The following GABRG3 variants were observed in gnomAD, a reference collection of about 807,000 sequenced individuals.
The protein encoded by GABRG3 is gamma-aminobutyric acid receptor subunit gamma-3.
A neutral mutation model predicts 48.8 loss-of-function variants in GABRG3; 25 were observed. The ratio of observed to expected loss-of-function variants is 0.51; its 90% confidence interval spans 0.37 to 0.72. The LOEUF is 0.72. GABRG3 is among the 30% of genes least tolerant of loss of function. The pLI is 0.00. For synonymous variants in GABRG3, 227 were observed against 217.6 expected (o/e 1.04, Z -0.38); for missense variants, 394 against 577.9 (o/e 0.68, Z 3.26).
intron 3 of GABRG3, among the ~76,000 whole-genome samples, chr15:27,110,017 A>C (rs1283891003): frequency 6.6e-6 from 1 of 152,200 alleles, no homozygotes; most frequent in Non-Finnish European, 1.5e-5. Context: ...TAGGCTGTTC[A>C]TGTTTAAAAT....
At chr15:27,473,923 T>A (rs1889859347) in intron 5 of GABRG3, among the ~76,000 whole-genome samples, 1 of 152,220 alleles carries the variant, frequency 6.6e-6, no homozygotes, top group South Asian at 2.1e-4. Context: ...CTTGTCTGTC[T>A]TAAAGTTTTC....
intron 3 of GABRG3, among the ~76,000 whole-genome samples, chr15:27,296,410 C>T (rs1486117356): frequency 6.6e-6 from 1 of 152,014 alleles, no homozygotes; most frequent in Non-Finnish European, 1.5e-5. Flanking sequence ...GGATTATTGA[C>T]ACTGGGTGCT....
rs368391009 is a variant in GABRG3, at chr15:27,306,912, C to CAT, written c.271-19895_271-19894dup. ...CAATATAAACATGTTTATATATAAA[C>CAT]ATACAATATAAACATGTTTATATAT... On this transcript the variant is annotated intron_variant, in intron 3 of 9. Transcript: ENST00000615808. Among the ~76,000 whole-genome samples the CAT allele has an allele frequency of 3.9e-4, 8 of 20,690 alleles. 2 individuals carry two copies. The highest frequency in any genetic ancestry group is 5.3e-3 in the South Asian group (1 of 190). 13.6% of individuals were successfully genotyped at this position (20,690 alleles called of 152,430 possible). A position where few individuals can be genotyped will look rare whatever the true frequency, so the allele number is the denominator to read the frequency against.
chr15:27,432,861 C>A (rs1888497390), intron 5 of GABRG3, among the ~76,000 whole-genome samples: 1 of 152,196 alleles, frequency 6.6e-6, no homozygotes, highest in South Asian at 2.1e-4. Context: ...ATATACAACT[C>A]ATTGTTTACA....
At chr15:27,397,596 C>T (rs762299622) in intron 5 of GABRG3, among the ~76,000 whole-genome samples, 4 of 152,126 alleles carry the variant, frequency 2.6e-5, no homozygotes, top group Admixed American at 6.5e-5. Flanking sequence ...ATTCACATTG[C>T]TCTGAAATTT....
chr15:27,521,082 G>T (rs1891149541), intron 7 of GABRG3, among the ~76,000 whole-genome samples: 1 of 151,992 alleles, frequency 6.6e-6, no homozygotes, highest in Admixed American at 6.6e-5. Context: ...ACATATATTA[G>T]ATGTCACTGT....
At chr15:27,290,347 C>T (rs1388238358) in intron 3 of GABRG3, among the ~76,000 whole-genome samples, 1 of 151,736 alleles carries the variant, frequency 6.6e-6, no homozygotes, top group Non-Finnish European at 1.5e-5. Context: ...ACTGCCCCAT[C>T]CACACACACA....
In GABRG3 at chr15:27,316,137, C is replaced by T. The variant is rs565298407; in HGVS notation, c.271-10672C>T. 2.0e-5 allele frequency among the ~76,000 whole-genome samples: 3 copies of T among 152,244 alleles called. No individual in the cohort carries two copies. In the South Asian group the frequency reaches 6.2e-4, roughly 32 times the overall value. On this transcript the variant is annotated intron_variant, in intron 3 of 9. Transcript: ENST00000615808. ...CGGTGGCTCACGCCTGTAATCCCAGCACTTTGGGAGGCCGAGGTGGGCGGA... is the reference window on the plus strand; with the variant it reads ...CGGTGGCTCACGCCTGTAATCCCAGTACTTTGGGAGGCCGAGGTGGGCGGA...
intron 2 of GABRG3, among the ~76,000 whole-genome samples, chr15:26,994,298 T>C (rs1895300629): frequency 6.6e-6 from 1 of 152,050 alleles, no homozygotes; most frequent in Admixed American, 6.5e-5. Flanking sequence ...GTATTTCTTT[T>C]AGTGAGTGTG....
intron 6 of GABRG3, among the ~76,000 whole-genome samples, chr15:27,506,850 C>G (rs540251248): frequency 6.6e-6 from 1 of 150,820 alleles, no homozygotes; most frequent in Admixed American, 6.6e-5. Flanking sequence ...TTTCATTTCT[C>G]TGGTTTTTTT....
chr15:27,176,076 C>T (rs1157178762), intron 3 of GABRG3, among the ~76,000 whole-genome samples: 1 of 151,694 alleles, frequency 6.6e-6, no homozygotes, highest in African/African-American at 2.4e-5. Context: ...AAAATGCATT[C>T]TATAGCTCAC....
At chr15:27,085,721 G>A (rs1460632217) in intron 3 of GABRG3, among the ~76,000 whole-genome samples, 1 of 152,118 alleles carries the variant, frequency 6.6e-6, no homozygotes, top group African/African-American at 2.4e-5. Flanking sequence ...AACAACACAG[G>A]CCTGCATTGG....
chr15:27,371,989 T>G (rs1312856725), intron 5 of GABRG3, among the ~76,000 whole-genome samples: 3 of 152,214 alleles, frequency 2.0e-5, no homozygotes, highest in African/African-American at 2.4e-5. Context: ...CACTTCGATG[T>G]GGGCTTTAAT....
chr15:27,055,006 G>GTT (rs150102149), intron 3 of GABRG3, among the ~76,000 whole-genome samples: 13 of 141,160 alleles, frequency 9.2e-5, no homozygotes, highest in South Asian at 2.3e-4. Flanking sequence ...GCCAAGACCT[G>GTT]TTTTTTTTTT....
rs542528933 is a variant in GABRG3 at position 27,467,071 on chromosome 15, C to T, written c.575-13579C>T. On this transcript the variant is annotated intron_variant, in intron 5 of 9. Coordinates refer to ENST00000615808, the MANE Select transcript of GABRG3 (RefSeq NM_033223.5). ...AACCCAAAAACTGGGTGGCTTAAAC[C>T]ACCAACATGCATTTCTCACAGTTCT... 1.8e-4 allele frequency among the ~76,000 whole-genome samples: 28 copies of T among 152,184 alleles called. No individual in the cohort carries two copies. The East Asian group carries it at 1.9e-3, about 11-fold the overall frequency.
chr15:27,005,350 G>A (rs368146451), intron 2 of GABRG3, among the ~76,000 whole-genome samples: 144 of 152,192 alleles, frequency 9.5e-4, no homozygotes, highest in African/African-American at 3.1e-3. Context: ...ACAGGAGCAG[G>A]CCACCACGCC....
Position 27,140,883 on chromosome 15 carries a change from T to G in GABRG3, c.270+114062T>G, listed in dbSNP as rs1410629026. ...TCTGATTTTTGACATCTCATTTATATTTAAGAGTGAGGGACTGAAAACGGT... is the reference window on the plus strand; with the variant it reads ...TCTGATTTTTGACATCTCATTTATAGTTAAGAGTGAGGGACTGAAAACGGT... On this transcript the variant is annotated intron_variant, in intron 3 of 9. Transcript: ENST00000615808. 2.0e-5 allele frequency among the ~76,000 whole-genome samples: 3 copies of G among 152,346 alleles called. No homozygotes were observed. The East Asian group carries it at 5.8e-4, about 29-fold the overall frequency.
intron 2 of GABRG3, among the ~76,000 whole-genome samples, chr15:26,996,069 T>C (rs1397667775): frequency 6.6e-6 from 1 of 152,166 alleles, no homozygotes; most frequent in East Asian, 1.9e-4. Flanking sequence ...TATTGTTAAA[T>C]ATATTACTTG....
At chr15:27,339,107 G>A (rs960819305) in intron 5 of GABRG3, among the ~76,000 whole-genome samples, 1 of 152,270 alleles carries the variant, frequency 6.6e-6, no homozygotes, top group East Asian at 1.9e-4. Flanking sequence ...GGAGGGTCCT[G>A]TCTCCTAGTT....
Sources: gnomAD v4.1 joint callset for allele counts (sites outside exome capture counted in the v4.1 genomes callset) on GRCh38, gnomAD v4.1.1 for gene constraint, MANE v1.5 for transcripts, NCBI Gene and HGNC (gene_info 2026-07-23, HGNC 2026-07-21) for gene names.